Variants in RAB2A observed in about 807,000 individuals in gnomAD.
RAB2A encodes RAB2A, member RAS oncogene family.
Under a neutral mutation model 32.5 loss-of-function variants are expected in RAB2A, and 7 were observed. The ratio of observed to expected loss-of-function variants is 0.22; its 90% CI spans 0.12 to 0.40. The LOEUF is 0.40. RAB2A is among the 10% of genes least tolerant of loss of function. The pLI is 1.00. For synonymous variants in RAB2A, 79 were observed against 85.2 expected (o/e 0.93, Z 0.40); for missense variants, 108 against 260.7 (o/e 0.41, Z 4.03).
chr8:60,541,563 C>T (rs1372962904), intron 1 of RAB2A, among the ~76,000 whole-genome samples: 1 of 152,200 alleles, frequency 6.6e-6, no homozygotes, highest in East Asian at 1.9e-4. Flanking sequence ...GTGGCAGGCA[C>T]CTGTAATCCC....
At chr8:60,565,702 TTTTTTTTTTTTTTTTTTTTTTTTTTTG>T (rs1808101448) in intron 2 of RAB2A, among the ~76,000 whole-genome samples, 1 of 42,212 alleles carries the variant, frequency 2.4e-5, no homozygotes, top group Non-Finnish European at 4.6e-5. Context: ...TTTTTTTTTT[TTTTTTTTTTTTTTTTTTTTTTTTTTTG>T]AGACCAAGTC....
At chr8:60,524,277 T>C (rs992630661) in intron 1 of RAB2A, among the ~76,000 whole-genome samples, 10 of 152,208 alleles carry the variant, frequency 6.6e-5, no homozygotes, top group East Asian at 3.8e-4. Flanking sequence ...GCTCTCCTCC[T>C]CTTGCAGTAG....
intron 6 of RAB2A, among the ~76,000 whole-genome samples, chr8:60,603,842 A>G (rs1344993491): frequency 6.6e-6 from 1 of 152,172 alleles, no homozygotes; most frequent in East Asian, 1.9e-4. Flanking sequence ...CCAACATAGC[A>G]AGACCCTGTC....
chr8:60,541,956 A>G (rs553462072), intron 1 of RAB2A, among the ~76,000 whole-genome samples: 1 of 152,324 alleles, frequency 6.6e-6, no homozygotes, highest in African/African-American at 2.4e-5. Context: ...ACAGTTAAAT[A>G]AATTATTTTA....
At chr8:60,521,547 T>A (rs1807303084) in intron 1 of RAB2A, among the ~76,000 whole-genome samples, 1 of 152,232 alleles carries the variant, frequency 6.6e-6, no homozygotes, top group Admixed American at 6.5e-5. Context: ...CTGATTGGCG[T>A]AGGGGCTTGC....
At chr8:60,546,617 T>C (rs1252914283) in intron 1 of RAB2A, among the ~76,000 whole-genome samples, 6 of 152,240 alleles carry the variant, frequency 3.9e-5, no homozygotes, top group South Asian at 2.1e-4. Context: ...TTTAATTAAA[T>C]AATAATACTG....
intron 1 of RAB2A, among the ~76,000 whole-genome samples, chr8:60,555,456 TA>T (rs1807922901): frequency 6.6e-6 from 1 of 152,068 alleles, no homozygotes; most frequent in South Asian, 2.1e-4. Context: ...TAGAATGGGA[TA>T]AAATATTTGC....
At chr8:60,572,733 T>C (rs948469898) in intron 3 of RAB2A, among the ~76,000 whole-genome samples, 1 of 152,176 alleles carries the variant, frequency 6.6e-6, no homozygotes, top group African/African-American at 2.4e-5. Flanking sequence ...TCAAACCATT[T>C]TGTTTCAGAA....
intron 5 of RAB2A, among the ~76,000 whole-genome samples, chr8:60,590,455 T>C (rs779410243): frequency 6.7e-5 from 10 of 148,940 alleles, no homozygotes; most frequent in Non-Finnish European, 1.2e-4. Context: ...GTGAGCAACA[T>C]AGTGAGACTT....
At chr8:60,561,830 G>A (rs975894653) in intron 2 of RAB2A, among the ~76,000 whole-genome samples, 3 of 152,114 alleles carry the variant, frequency 2.0e-5, no homozygotes, top group Admixed American at 1.3e-4. Flanking sequence ...GTCATACATA[G>A]CCACTACCAG....
intron 5 of RAB2A, among the ~76,000 whole-genome samples, chr8:60,590,602 CAT>C (rs1049114772): frequency 9.8e-4 from 140 of 143,492 alleles, no homozygotes; most frequent in African/African-American, 2.9e-3. Context: ...ATATATAATA[CAT>C]ATATATATAA....
At chr8:60,606,166 A>G (rs1026499536) in intron 6 of RAB2A, among the ~76,000 whole-genome samples, 11 of 151,814 alleles carry the variant, frequency 7.2e-5, no homozygotes, top group Admixed American at 2.6e-4. Flanking sequence ...AAACAAACAA[A>G]CAAAAATGCT....
intron 2 of RAB2A, chr8:60,569,994 A>G: frequency 2.2e-6 from 1 of 456,310 alleles, no homozygotes; most frequent in Non-Finnish European, 4.4e-6. Context: ...GAAACTGTTA[A>G]GAGCTATCCT....
At chr8:60,561,534 C>G (rs2130832478) in intron 2 of RAB2A, among the ~76,000 whole-genome samples, 1 of 152,312 alleles carries the variant, frequency 6.6e-6, no homozygotes, top group East Asian at 1.9e-4. Context: ...ATTCTCTTCT[C>G]ATGCCTATTT....
At chr8:60,530,768 T>C (rs1011046245) in intron 1 of RAB2A, among the ~76,000 whole-genome samples, 13 of 152,288 alleles carry the variant, frequency 8.5e-5, no homozygotes, top group South Asian at 8.3e-4. Context: ...TTCAGTCATA[T>C]AGACAAAGAT....
intron 1 of RAB2A, among the ~76,000 whole-genome samples, chr8:60,553,336 C>T (rs964597284): frequency 3.3e-5 from 5 of 152,274 alleles, no homozygotes; most frequent in Admixed American, 1.3e-4. Flanking sequence ...AAGCCCCTGT[C>T]GCACTTAAAG....
chr8:60,585,899 A>G (rs1383355309), intron 5 of RAB2A, among the ~76,000 whole-genome samples: 2 of 152,234 alleles, frequency 1.3e-5, no homozygotes, highest in African/African-American at 2.4e-5. Context: ...CTGCATTTCC[A>G]TGGACAGGAA....
intron 2 of RAB2A, among the ~76,000 whole-genome samples, chr8:60,568,383 T>C (rs1174991104): frequency 6.6e-6 from 1 of 152,204 alleles, no homozygotes; most frequent in African/African-American, 2.4e-5. Context: ...TCATCATTAG[T>C]CATGCGGATG....
At chr8:60,530,078 C>G (rs1262204583) in intron 1 of RAB2A, among the ~76,000 whole-genome samples, 1 of 152,036 alleles carries the variant, frequency 6.6e-6, no homozygotes, top group African/African-American at 2.4e-5. Flanking sequence ...AGGGATCCTC[C>G]CAGCGTAGGC....
Sources: allele counts gnomAD v4.1 joint callset (sites outside exome capture counted in the v4.1 genomes callset), GRCh38; gene constraint gnomAD v4.1.1; transcripts MANE v1.5; gene names NCBI Gene and HGNC (gene_info 2026-07-23, HGNC 2026-07-21).